NPR3: variants seen among roughly 807,000 people sequenced by gnomAD.
NPR3 encodes the protein natriuretic peptide receptor 3.
In NPR3, 34 loss-of-function variants were observed where a neutral mutation model predicts 54.5. The ratio of observed to expected loss-of-function variants is 0.62; its 90% CI spans 0.47 to 0.83. The LOEUF is 0.83. Among genes scored for constraint, NPR3 ranks in the 40% least tolerant of loss-of-function variants. The pLI is 0.00. For missense variants in NPR3, 674 were observed against 720.8 expected (o/e 0.94, Z 0.74); for synonymous variants, 289 against 297.1 (o/e 0.97, Z 0.28).
intron 2 of NPR3, among the ~76,000 whole-genome samples, chr5:32,734,309 G>A (rs1739614518): frequency 1.3e-5 from 2 of 152,134 alleles, no homozygotes; most frequent in Admixed American, 1.3e-4. Context: ...TCATTTTTTG[G>A]ACACATTCTG....
At chr5:32,765,538 G>A (rs1017643013) in intron 3 of NPR3, among the ~76,000 whole-genome samples, 5 of 152,298 alleles carry the variant, frequency 3.3e-5, no homozygotes, top group Admixed American at 1.3e-4. Flanking sequence ...TGTATTTGAC[G>A]CAGGGCTAGG....
chr5:32,751,754 G>GCCT (rs1253135055), intron 3 of NPR3, among the ~76,000 whole-genome samples: 9 of 152,196 alleles, frequency 5.9e-5, no homozygotes, highest in African/African-American at 2.2e-4. Flanking sequence ...TGAGGAGCAG[G>GCCT]TGGTTTATCT....
intron 3 of NPR3, among the ~76,000 whole-genome samples, chr5:32,772,384 C>T (rs2112042821): frequency 6.6e-6 from 1 of 152,350 alleles, no homozygotes; most frequent in East Asian, 1.9e-4. Flanking sequence ...AGCGCCAGGA[C>T]TGGACTGTGG....
chr5:32,754,193 C>T (rs928246939), intron 3 of NPR3, among the ~76,000 whole-genome samples: 1 of 152,082 alleles, frequency 6.6e-6, no homozygotes, highest in African/African-American at 2.4e-5. Context: ...GGTGGAGGAG[C>T]CCAAGGTAGT....
upstream of NPR3, chr5:32,709,745 G>C (rs534105665): frequency 9.3e-4 from 142 of 152,320 alleles, 1 homozygote; most frequent in African/African-American, 3.3e-3. Context: ...GCTGTTAAGG[G>C]AGGCGAGCGC....
intron 3 of NPR3, among the ~76,000 whole-genome samples, chr5:32,764,727 G>A (rs916424336): frequency 1.4e-5 from 2 of 139,774 alleles, no homozygotes; most frequent in Admixed American, 1.6e-4. Context: ...GGTGGAGGTT[G>A]CAGTGAGCCG....
chr5:32,732,294 A>AAAGATGGT (rs1739506574), intron 2 of NPR3, among the ~76,000 whole-genome samples: 1 of 151,570 alleles, frequency 6.6e-6, no homozygotes, highest in African/African-American at 2.4e-5. Flanking sequence ...TCTCAAGATC[A>AAAGATGGT]AAGATGGTGG....
intron 3 of NPR3, among the ~76,000 whole-genome samples, chr5:32,743,679 G>T (rs1375910053): frequency 6.6e-6 from 1 of 152,118 alleles, no homozygotes; most frequent in African/African-American, 2.4e-5. Context: ...GCCTGCCTAG[G>T]TGGAGATTTT....
chr5:32,703,168 C>G (rs1737875097), intron 1 of NPR3, among the ~76,000 whole-genome samples: 1 of 152,082 alleles, frequency 6.6e-6, no homozygotes, highest in Non-Finnish European at 1.5e-5. Flanking sequence ...GGCCCAAGCA[C>G]TCTTCAGTTA....
chr5:32,759,559 A>G (rs1013268593), intron 3 of NPR3, among the ~76,000 whole-genome samples: 3 of 152,082 alleles, frequency 2.0e-5, no homozygotes, highest in East Asian at 1.9e-4. Context: ...TCTTTATCCA[A>G]TTTGCCAGTC....
intron 1 of NPR3, among the ~76,000 whole-genome samples, chr5:32,715,632 G>A (rs1409827108): frequency 6.6e-6 from 1 of 151,986 alleles, no homozygotes; most frequent in Admixed American, 6.6e-5. Flanking sequence ...ATTTAAAATA[G>A]ATTCACTTAC....
chr5:32,716,271 GA>G, intron 1 of NPR3: 1 of 347,838 alleles, frequency 2.9e-6, no homozygotes. Flanking sequence ...TTTATGAGGA[GA>G]AAAAGGTTCC....
chr5:32,708,366 A>G (rs1251437444), upstream of NPR3, among the ~76,000 whole-genome samples: 4 of 152,048 alleles, frequency 2.6e-5, no homozygotes, highest in Non-Finnish European at 5.9e-5. Flanking sequence ...CATTTTTGTG[A>G]TTAAAGTGCT....
At chr5:32,749,225 A>G (rs1002811089) in intron 3 of NPR3, among the ~76,000 whole-genome samples, 2 of 152,268 alleles carry the variant, frequency 1.3e-5, no homozygotes. Context: ...CAACTTAGAA[A>G]AAAAGGTGCT....
chr5:32,693,237 A>G (rs1740444419), intron 1 of NPR3, among the ~76,000 whole-genome samples: 3 of 152,220 alleles, frequency 2.0e-5, no homozygotes, highest in Non-Finnish European at 4.4e-5. Flanking sequence ...ATAAATTTGT[A>G]TATAAATGAG....
upstream of NPR3, among the ~76,000 whole-genome samples, chr5:32,709,029 AG>A (rs912605750): frequency 2.6e-5 from 4 of 151,958 alleles, no homozygotes; most frequent in African/African-American, 9.7e-5. Context: ...CTTGTCCAAA[AG>A]CTGCGGAGAG....
chr5:32,738,826 C>G (rs762908747), intron 2 of NPR3, 38 bp from the exon 3 acceptor site: 1 of 1,588,742 alleles, frequency 6.3e-7, no homozygotes, highest in Non-Finnish European at 8.6e-7. Context: ...TTTATGGTGG[C>G]TGGCTTGGAA....
At chr5:32,729,636 C>G (rs551611441) in intron 2 of NPR3, among the ~76,000 whole-genome samples, 23 of 152,242 alleles carry the variant, frequency 1.5e-4, no homozygotes, top group African/African-American at 5.1e-4. Flanking sequence ...GCTTATTGCT[C>G]CTAGGCTATA....
intron 3 of NPR3, among the ~76,000 whole-genome samples, chr5:32,770,859 G>A (rs184186732): frequency 1.8e-4 from 28 of 152,264 alleles, no homozygotes; most frequent in Non-Finnish European, 2.1e-4. Flanking sequence ...AGATTGCTCC[G>A]TGGGGAAATC....
Sources: allele counts gnomAD v4.1 joint callset (sites outside exome capture counted in the v4.1 genomes callset), GRCh38; gene constraint gnomAD v4.1.1; transcripts MANE v1.5; gene names NCBI Gene and HGNC (gene_info 2026-07-23, HGNC 2026-07-21).